The following RORA variants were observed in gnomAD, a reference collection of about 807,000 sequenced individuals.
The protein encoded by RORA is RAR related orphan receptor A.
RORA carries 7 observed loss-of-function variants against 69.5 expected under a neutral mutation model. The observed-to-expected ratio is 0.10, with a 90% CI of 0.06 to 0.19. The LOEUF is 0.19. Among genes scored for constraint, RORA ranks in the 10% least tolerant of loss-of-function variants. RORA has a pLI of 1.00. For synonymous variants in RORA, 261 were observed against 240.8 expected, an observed-to-expected ratio of 1.08 and a Z score of -0.78; for missense variants, 457 against 663.0, an observed-to-expected ratio of 0.69 and a Z score of 3.41.
chr15:60,989,769 T>C (rs976485948), intron 1 of RORA, among the ~76,000 whole-genome samples: 1 of 152,174 alleles, frequency 6.6e-6, no homozygotes, highest in Non-Finnish European at 1.5e-5. Flanking sequence ...TTAGAACTTC[T>C]CTGGCTAAAA....
chr15:60,516,247 ATT>A (rs1386691654), intron 3 of RORA, among the ~76,000 whole-genome samples: 984 of 72,986 alleles, frequency 0.013, 78 homozygotes, highest in African/African-American at 0.063. Flanking sequence ...ATATATATAT[ATT>A]TATATATATA....
At chr15:60,692,777 A>C (rs1479961456) in intron 1 of RORA, among the ~76,000 whole-genome samples, 3 of 152,192 alleles carry the variant, frequency 2.0e-5, no homozygotes, top group African/African-American at 7.2e-5. Flanking sequence ...GAAAACTTTA[A>C]AAAGAGGTTC....
rs118158610 is a variant in RORA, at chr15:60,713,053, A to C, written c.167-34367T>G. Among the ~76,000 whole-genome samples the C allele has an allele frequency of 9.1e-4, 139 of 152,278 alleles. No homozygotes were observed. In the East Asian group the frequency reaches 0.022, roughly 24 times the overall value. On this transcript the variant is annotated intron_variant, in intron 1 of 10. Transcript: ENST00000335670. Reference sequence around the variant, plus strand: ...GGCAAACAGACTTTTCATTTCCTTTACTTTTTTTCAGACTGTGGCCAGGGC... The same window carrying C: ...GGCAAACAGACTTTTCATTTCCTTTCCTTTTTTTCAGACTGTGGCCAGGGC...
chr15:61,164,996 C>G (rs1311292062), intron 1 of RORA, among the ~76,000 whole-genome samples: 2 of 152,158 alleles, frequency 1.3e-5, no homozygotes, highest in African/African-American at 4.8e-5. Flanking sequence ...CCTGCACCAC[C>G]TACCCCTCTC....
At chr15:60,879,280 C>T (rs971282398) in intron 1 of RORA, among the ~76,000 whole-genome samples, 5 of 152,086 alleles carry the variant, frequency 3.3e-5, no homozygotes, top group African/African-American at 7.2e-5. Context: ...AACCAGGTGG[C>T]CTTGGAGAAG....
At chr15:61,074,779 G>A (rs907226806) in intron 1 of RORA, among the ~76,000 whole-genome samples, 3 of 152,164 alleles carry the variant, frequency 2.0e-5, no homozygotes, top group Admixed American at 1.3e-4. Flanking sequence ...GGAAAGCCAT[G>A]GGATGTTTTA....
chr15:60,878,642 C>G (rs1435299938), intron 1 of RORA, among the ~76,000 whole-genome samples: 3 of 152,206 alleles, frequency 2.0e-5, no homozygotes, highest in Non-Finnish European at 4.4e-5. Context: ...TACTTTTTAG[C>G]CTTCTTAGCT....
At chr15:60,731,605 AGAAAGGTAAGTG>A (rs1408731744) in intron 1 of RORA, among the ~76,000 whole-genome samples, 4 of 152,228 alleles carry the variant, frequency 2.6e-5, no homozygotes, top group Non-Finnish European at 5.9e-5. Flanking sequence ...TATATTTTTT[AGAAAGGTAAGTG>A]GTTTCTTTGG....
intron 1 of RORA, among the ~76,000 whole-genome samples, chr15:61,144,375 G>A (rs1279531391): frequency 1.3e-5 from 2 of 152,200 alleles, no homozygotes; most frequent in Admixed American, 6.5e-5. Flanking sequence ...CCGAGGAAAG[G>A]GGCGTGACTT....
In RORA at chr15:61,011,389, T is replaced by C. The variant is rs546054482; in HGVS notation, c.166+217664A>G. Among the ~76,000 whole-genome samples, 61 of 152,340 alleles carry C rather than the reference T, an allele frequency of 4.0e-4. No homozygotes were observed. The South Asian group carries it at 6.6e-3, about 17-fold the overall frequency. ...AACTCTAATAATGATATCCTAAAACTAATGATGTTAGGACTAATAAAATGA... is the reference window on the plus strand; with the variant it reads ...AACTCTAATAATGATATCCTAAAACCAATGATGTTAGGACTAATAAAATGA... On this transcript the variant is annotated intron_variant, in intron 1 of 10. Coordinates refer to ENST00000335670, the MANE Select transcript of RORA (RefSeq NM_134261.3).
intron 2 of RORA, among the ~76,000 whole-genome samples, chr15:60,611,585 A>AAAAAAAAAAG (rs2069091267): frequency 6.8e-6 from 1 of 146,254 alleles, no homozygotes; most frequent in Non-Finnish European, 1.5e-5. Flanking sequence ...AAAAAAAAAA[A>AAAAAAAAAAG]AAAAGGTGGA....
intron 1 of RORA, among the ~76,000 whole-genome samples, chr15:60,888,524 G>A (rs1470314977): frequency 6.6e-6 from 1 of 152,124 alleles, no homozygotes; most frequent in Non-Finnish European, 1.5e-5. Flanking sequence ...ACTCACACTG[G>A]CAGTCTTCTC....
At chr15:61,004,009 A>C (rs1427764508) in intron 1 of RORA, among the ~76,000 whole-genome samples, 1 of 151,846 alleles carries the variant, frequency 6.6e-6, no homozygotes, top group Non-Finnish European at 1.5e-5. Flanking sequence ...AAAAAAAAAA[A>C]TGTTTGAGGA....
intron 1 of RORA, among the ~76,000 whole-genome samples, chr15:61,165,492 T>A (rs1166778145): frequency 6.6e-6 from 1 of 152,208 alleles, no homozygotes; most frequent in East Asian, 1.9e-4. Context: ...GGTTGGTGGG[T>A]TTCAAAACTC....
chr15:60,505,444 T>TCCTATA, intron 6 of RORA, 64 bp downstream of exon 6: 1 of 1,558,196 alleles, frequency 6.4e-7, no homozygotes, highest in South Asian at 1.1e-5. Context: ...TGACCAACTT[T>TCCTATA]CCTATACCAA....
intron 2 of RORA, chr15:60,678,250 C>T (rs773739309): frequency 5.7e-5 from 9 of 158,116 alleles, no homozygotes; most frequent in East Asian, 3.7e-4. Context: ...GAGTACGAAA[C>T]GGCCTAATTT....
chr15:60,666,562 T>A (rs977896614), intron 2 of RORA, among the ~76,000 whole-genome samples: 29 of 152,074 alleles, frequency 1.9e-4, no homozygotes, highest in African/African-American at 7.0e-4. Flanking sequence ...TACTGTCACC[T>A]TAAGAATGTA....
At chr15:61,065,459 A>G (rs1312057778) in intron 1 of RORA, among the ~76,000 whole-genome samples, 1 of 152,048 alleles carries the variant, frequency 6.6e-6, no homozygotes, top group South Asian at 2.1e-4. Flanking sequence ...TGATGCTTCT[A>G]TTTTCCACAT....
intron 1 of RORA, among the ~76,000 whole-genome samples, chr15:61,190,070 T>C (rs904145992): frequency 6.6e-6 from 1 of 152,054 alleles, no homozygotes; most frequent in Non-Finnish European, 1.5e-5. Context: ...GTGAAGCTCA[T>C]TATATCTTTT....
Sources: gnomAD v4.1 joint callset for allele counts (sites outside exome capture counted in the v4.1 genomes callset) on GRCh38, gnomAD v4.1.1 for gene constraint, MANE v1.5 for transcripts, NCBI Gene and HGNC (gene_info 2026-07-23, HGNC 2026-07-21) for gene names.